Variants in TTC17 observed in about 807,000 individuals in gnomAD.
TTC17 encodes tetratricopeptide repeat protein 17.
Under a neutral mutation model 143.8 loss-of-function variants are expected in TTC17, and 58 were observed. The ratio of observed to expected loss-of-function variants is 0.40; its 90% confidence interval spans 0.33 to 0.50. The LOEUF (loss-of-function observed/expected upper bound fraction) is 0.50, where lower values mean the gene tolerates loss of function less well. Ranked by LOEUF, TTC17 falls within the 20% of genes least tolerant of loss-of-function variation. The probability of loss-of-function intolerance (pLI) is 0.49; values close to 1 mark genes in which losing one functional copy is unlikely to be tolerated. For synonymous variants in TTC17, 501 were observed against 497.8 expected, an observed-to-expected ratio of 1.01 and a Z score of -0.09; for missense variants, 1,273 against 1,392.5, an observed-to-expected ratio of 0.91 and a Z score of 1.37.
intron 21 of TTC17, among the ~76,000 whole-genome samples, chr11:43,465,382 A>G (rs1331509878): frequency 6.6e-6 from 1 of 152,222 alleles, no homozygotes; most frequent in African/African-American, 2.4e-5. Context: ...GACAATAGAA[A>G]TATACTCACA....
intron 21 of TTC17, chr11:43,468,508 A>G (rs1176832428): frequency 6.6e-6 from 1 of 152,252 alleles, no homozygotes; most frequent in Non-Finnish European, 1.5e-5. Flanking sequence ...AATTATAGAC[A>G]TAAAAGTAAA....
chr11:43,376,343 A>G (rs1856764489), intron 1 of TTC17, among the ~76,000 whole-genome samples: 1 of 152,230 alleles, frequency 6.6e-6, no homozygotes, highest in Admixed American at 6.5e-5. Context: ...CAGATACTTG[A>G]TCAGGTTTTC....
chr11:43,439,986 G>A (rs1466613121), intron 16 of TTC17, among the ~76,000 whole-genome samples: 2 of 152,096 alleles, frequency 1.3e-5, no homozygotes, highest in African/African-American at 2.4e-5. Flanking sequence ...GCTTGGTAAC[G>A]AAAATCAAGA....
chr11:43,390,037 T>C (rs1232667978), intron 3 of TTC17, among the ~76,000 whole-genome samples: 1 of 152,182 alleles, frequency 6.6e-6, no homozygotes, highest in Non-Finnish European at 1.5e-5. Context: ...CTGGGCGTGG[T>C]GCCTCACACC....
intron 10 of TTC17, among the ~76,000 whole-genome samples, chr11:43,403,067 C>G (rs765487041): frequency 1.4e-5 from 2 of 145,594 alleles, no homozygotes; most frequent in Non-Finnish European, 3.1e-5. Context: ...GTTTGGTTTC[C>G]AAGGGAAAAA....
At chr11:43,492,739 C>A (rs531044937) in intron 23 of TTC17, among the ~76,000 whole-genome samples, 1 of 152,322 alleles carries the variant, frequency 6.6e-6, no homozygotes, top group South Asian at 2.1e-4. Flanking sequence ...CCGCTAGTTT[C>A]ATGGAATACC....
chr11:43,402,951 G>A (rs1187128002), intron 10 of TTC17, among the ~76,000 whole-genome samples: 1 of 151,942 alleles, frequency 6.6e-6, no homozygotes, highest in African/African-American at 2.4e-5. Context: ...ACTGCATTGG[G>A]AAAAAATAAG....
At chr11:43,377,207 C>T (rs867393400) in intron 1 of TTC17, among the ~76,000 whole-genome samples, 11 of 152,028 alleles carry the variant, frequency 7.2e-5, no homozygotes, top group Middle Eastern at 6.8e-3. Flanking sequence ...GCAGGAGAAT[C>T]GCTTGAACCA....
At chr11:43,485,902 T>TC (rs1238546598) in intron 21 of TTC17, among the ~76,000 whole-genome samples, 1 of 144,352 alleles carries the variant, frequency 6.9e-6, no homozygotes, top group Non-Finnish European at 1.6e-5. Flanking sequence ...TTTTTTTTTT[T>TC]TGAACATATG....
chr11:43,382,549 A>ATATATT (rs1461239376), intron 2 of TTC17, among the ~76,000 whole-genome samples: 4 of 152,236 alleles, frequency 2.6e-5, no homozygotes, highest in African/African-American at 9.6e-5. Flanking sequence ...TATATTAAAA[A>ATATATT]CTTAAGGATG....
chr11:43,359,765 G>C (rs988359475), intron 1 of TTC17, among the ~76,000 whole-genome samples: 1 of 152,178 alleles, frequency 6.6e-6, no homozygotes, highest in East Asian at 1.9e-4. Flanking sequence ...TACTGCCCTC[G>C]TTTCCCAGTG....
chr11:43,435,749 C>T (rs1947277926), intron 16 of TTC17, among the ~76,000 whole-genome samples: 1 of 152,166 alleles, frequency 6.6e-6, no homozygotes, highest in South Asian at 2.1e-4. Flanking sequence ...AGCCATGATG[C>T]AAAAATAGTA....
At chr11:43,376,423 A>G (rs1481615817) in intron 1 of TTC17, among the ~76,000 whole-genome samples, 1 of 152,180 alleles carries the variant, frequency 6.6e-6, no homozygotes, top group African/African-American at 2.4e-5. Flanking sequence ...AGTGAAAATG[A>G]TTATAATTTT....
chr11:43,487,143 GTTTGTTTA>G (rs1590510662), intron 21 of TTC17, among the ~76,000 whole-genome samples: 1 of 151,972 alleles, frequency 6.6e-6, no homozygotes, highest in East Asian at 1.9e-4. Flanking sequence ...TTTTTTGTTT[GTTTGTTTA>G]TTTGTTTGTT....
At position 43,477,691 on chromosome 11, in the gene TTC17, A is replaced by G. The variant is rs907434766; in HGVS notation, c.3031-12548A>G. On this transcript the variant is annotated intron_variant, in intron 21 of 23. Transcript: ENST00000039989. ...TGGGTCCTTCCCACAACACGTGGGA[A>G]TTCTGGGAAATACAATTCGAGATGT... 8.5e-5 allele frequency among the ~76,000 whole-genome samples: 13 copies of G among 152,310 alleles called. No individual in the cohort carries two copies. The East Asian group carries it at 2.5e-3, about 29-fold the overall frequency.
At chr11:43,364,734 G>C (rs1472115685) in intron 1 of TTC17, among the ~76,000 whole-genome samples, 1 of 152,160 alleles carries the variant, frequency 6.6e-6, no homozygotes, top group Non-Finnish European at 1.5e-5. Context: ...GCAGTGAGAG[G>C]AGCTTGGAAA....
At chr11:43,361,869 C>A (rs184634564) in intron 1 of TTC17, among the ~76,000 whole-genome samples, 2 of 152,106 alleles carry the variant, frequency 1.3e-5, no homozygotes. Flanking sequence ...TTTTGAGAAC[C>A]TTTAATATTA....
chr11:43,401,500 G>A lies in TTC17; in HGVS notation c.1274G>A (p.Trp425Ter). The A allele has an allele frequency of 6.2e-7, 1 of 1,613,670 alleles. No individual in the cohort carries two copies. Among genetic ancestry groups the A allele is most frequent in the Non-Finnish European group, 8.5e-7 (1 of 1,179,864 alleles). ...VNQQHSLHCQWDQPVRYHRGD... is the reference protein window; with the variant it reads ...VNQQHSLHCQ ...CAGCAGCATAGTTTACATTGCCAGT[G>A]GGACCAGCCTGTACGCTATCATCGT... is the stretch of plus-strand genomic sequence containing the variant. The change falls in exon 10 of 24, where the codon TGG becomes TAG. Residue 425 changes from tryptophan to a stop codon, truncating the protein, a stop_gained. Coordinates refer to ENST00000039989, the MANE Select transcript of TTC17 (RefSeq NM_018259.6). LOFTEE classifies it high-confidence loss of function.
intron 3 of TTC17, 90 bp from the exon 4 acceptor site, chr11:43,391,375 G>A (rs1366408191): frequency 1.2e-6 from 1 of 867,180 alleles, no homozygotes; most frequent in Non-Finnish European, 1.8e-6. Context: ...CTCCAGCCTG[G>A]GCAACAGAAT....
Sources: allele counts gnomAD v4.1 joint callset (sites outside exome capture counted in the v4.1 genomes callset), GRCh38; gene constraint gnomAD v4.1.1; transcripts MANE v1.5; gene names NCBI Gene and HGNC (gene_info 2026-07-23, HGNC 2026-07-21).